PRRC2C: variants seen among roughly 807,000 people sequenced by gnomAD.
PRRC2C encodes protein PRRC2C.
A neutral mutation model predicts 317.2 loss-of-function variants in PRRC2C; 72 were observed. The ratio of observed to expected loss-of-function variants is 0.23; its 90% CI spans 0.19 to 0.28. PRRC2C has a LOEUF of 0.28. Ranked by LOEUF, PRRC2C falls within the 10% of genes least tolerant of loss-of-function variation. The pLI is 1.00. For synonymous variants in PRRC2C, 1,296 were observed against 1,205.9 expected (o/e 1.07, Z -1.55); for missense variants, 3,074 against 3,459.7 (o/e 0.89, Z 2.80).
At chr1:171,536,647 A>G (rs1304357599) in intron 14 of PRRC2C, among the ~76,000 whole-genome samples, 2 of 152,130 alleles carry the variant, frequency 1.3e-5, no homozygotes, top group Non-Finnish European at 2.9e-5. Flanking sequence ...TCATTTACCA[A>G]CCTAACACTT....
In PRRC2C at chr1:171,591,653, CAGAT is replaced by C. The variant is rs1651468206; in HGVS notation, c.8506_8509del (p.Ile2836GlufsTer19). ...CTTCTCTGAACAGCAACAGAGCAAA[CAGAT>C]AGGAGGAGGCAAAGCCCAGAAAGTG... On this transcript the variant is annotated frameshift_variant, in exon 35 of 35. Transcript: ENST00000647382. LOFTEE classifies it high-confidence loss of function. 6.2e-7 allele frequency: 1 copy of C among 1,613,862 alleles called. No homozygotes were observed. Among genetic ancestry groups the C allele is most frequent in the Non-Finnish European group, 8.5e-7 (1 of 1,179,864 alleles).
intron 34 of PRRC2C, among the ~76,000 whole-genome samples, chr1:171,590,779 A>T (rs1018983949): frequency 1.1e-4 from 16 of 152,332 alleles, no homozygotes; most frequent in Admixed American, 9.8e-4. Flanking sequence ...TTGGCCTTGG[A>T]TTCCAGTTCT....
At chr1:171,501,279 C>T (rs1458899956) in intron 1 of PRRC2C, among the ~76,000 whole-genome samples, 5 of 152,212 alleles carry the variant, frequency 3.3e-5, no homozygotes, top group South Asian at 2.1e-4. Context: ...TGCAGGTGCC[C>T]GCCACAATGC....
chr1:171,515,959 C>G, intron 5 of PRRC2C, 100 bp downstream of exon 5: 1 of 1,300,276 alleles, frequency 7.7e-7, no homozygotes, highest in Non-Finnish European at 1.0e-6. Flanking sequence ...TTGCCTACTT[C>G]GAAAAGGCAG....
At chr1:171,537,939 C>T (rs1004552457) in intron 15 of PRRC2C, among the ~76,000 whole-genome samples, 4 of 151,904 alleles carry the variant, frequency 2.6e-5, no homozygotes, top group African/African-American at 7.3e-5. Context: ...CTTGCTCTGT[C>T]TCCCAGGCTG....
chr1:171,503,352 C>G lies in PRRC2C; in HGVS notation c.-57-8680C>G, dbSNP rs1031984924. On this transcript the variant is annotated intron_variant, in intron 1 of 34. Transcript: ENST00000647382. ...TAGCCTAGCCAACATGACAAAACCC[C>G]ATCTTTACTAAAAGTACAAAAATTA... 9.9e-5 allele frequency among the ~76,000 whole-genome samples: 15 copies of G among 152,114 alleles called. No individual in the cohort carries two copies. In the East Asian group the frequency reaches 2.7e-3, roughly 28 times the overall value.
chr1:171,532,754 G>A lies in PRRC2C; in HGVS notation c.1666G>A (p.Glu556Lys). Residue 556 changes from glutamate (E) to lysine (K), a missense_variant, in exon 12 of 35, where the codon GAA becomes AAA. By Grantham distance (56) the Glu-to-Lys change is moderately conservative. Around this residue, in one of 11 missense-constraint regions of PRRC2C, gnomAD observed 1,320 missense variants for 1,395.7 expected, o/e 0.95. Coordinates refer to ENST00000647382, the MANE Select transcript of PRRC2C (RefSeq NM_001387844.1). ...ELEKEQEKQR[E>K]MEKERKQEKE... is the part of the protein sequence containing the mutation. ...GGAGAAGGAGCAGGAAAAACAAAGA[G>A]AAATGGAGAAAGAAAGAAAGCAAGA... 6.5e-7 allele frequency: 1 copy of A among 1,533,752 alleles called. No homozygotes were observed. Among genetic ancestry groups the A allele is most frequent in the South Asian group, 1.3e-5 (1 of 78,904 alleles).
At chr1:171,589,983 C>CTTTTTTT in intron 34 of PRRC2C, among the ~76,000 whole-genome samples, 1 of 121,074 alleles carries the variant, frequency 8.3e-6, no homozygotes, top group Non-Finnish European at 1.8e-5. Flanking sequence ...CATTTTCTTT[C>CTTTTTTT]TTTTTTTTTT....
chr1:171,528,374 T>C (rs1481770889), intron 11 of PRRC2C, among the ~76,000 whole-genome samples: 1 of 151,494 alleles, frequency 6.6e-6, no homozygotes, highest in Non-Finnish European at 1.5e-5. Context: ...CTGCAACCTC[T>C]GCCTCCTGGG....
intron 1 of PRRC2C, among the ~76,000 whole-genome samples, chr1:171,498,947 A>G (rs1022352001): frequency 1.3e-5 from 2 of 152,158 alleles, no homozygotes; most frequent in Admixed American, 6.5e-5. Context: ...GACGGGGACT[A>G]TAAACATACT....
chr1:171,508,370 C>T (rs1016726784), intron 1 of PRRC2C, among the ~76,000 whole-genome samples: 3 of 152,108 alleles, frequency 2.0e-5, no homozygotes, highest in East Asian at 1.9e-4. Context: ...AACTTTGTCA[C>T]GTGGTTTTCT....
In PRRC2C at chr1:171,513,033, G is replaced by A. The variant is rs1408902539; in HGVS notation, c.151G>A (p.Gly51Ser). 5.0e-6 allele frequency: 8 copies of A among 1,613,174 alleles called. No individual in the cohort carries two copies. Among genetic ancestry groups the A allele is most frequent in the Non-Finnish European group, 6.8e-6 (8 of 1,179,568 alleles). Reference sequence around the variant, plus strand: ...TGGATTACAGAGTCTTGGAAAAGTCGGTATTTCACGGCGTATGCCTCCACC... The same window carrying A: ...TGGATTACAGAGTCTTGGAAAAGTCAGTATTTCACGGCGTATGCCTCCACC... ...RHGLQSLGKV[G>S]ISRRMPPPAN... Residue 51 changes from glycine to serine, a missense_variant, in exon 3 of 35, where the codon GGT (glycine) becomes AGT (serine). Physicochemically the swap from Gly to Ser is moderately conservative, Grantham distance 56. Around this residue, in one of 11 missense-constraint regions of PRRC2C, gnomAD observed 71 missense variants for 118.9 expected, o/e 0.60. Coordinates refer to ENST00000647382, the MANE Select transcript of PRRC2C (RefSeq NM_001387844.1).
chr1:171,500,167 A>G (rs148707491), intron 1 of PRRC2C, among the ~76,000 whole-genome samples: 90 of 152,360 alleles, frequency 5.9e-4, no homozygotes, highest in African/African-American at 1.7e-3. Context: ...GTGGCCAGAA[A>G]GAAAGTTATG....
At position 171,532,422 on chromosome 1, in the gene PRRC2C, A is replaced by G; in HGVS notation, c.1334A>G (p.Glu445Gly). ...AAGCAGCAAGTAGCTGATGAAGATG[A>G]AATATGGAAGCAAAGACGAAGACAA... Reference protein sequence around the residue: ...PSKQQVADEDEIWKQRRRQQS... With the variant: ...PSKQQVADEDGIWKQRRRQQS... The change falls in exon 12 of 35, where the codon GAA (glutamate) becomes GGA (glycine). Residue 445 changes from glutamate (E) to glycine (G), a missense_variant. Glu to Gly is a moderately conservative substitution (Grantham distance 98). Coordinates refer to ENST00000647382, the MANE Select transcript of PRRC2C (RefSeq NM_001387844.1). 1 of 1,613,996 alleles carries G rather than the reference A, an allele frequency of 6.2e-7. No homozygotes were observed. Among genetic ancestry groups the G allele is most frequent in the South Asian group, 1.1e-5 (1 of 91,060 alleles).
chr1:171,567,458 A>C (rs1199892016), intron 22 of PRRC2C, among the ~76,000 whole-genome samples: 1 of 152,216 alleles, frequency 6.6e-6, no homozygotes, highest in Non-Finnish European at 1.5e-5. Flanking sequence ...AGTTACATGC[A>C]ATTTTTTATA....
chr1:171,524,721 C>T, intron 9 of PRRC2C, 100 bp from the exon 10 acceptor site: 2 of 1,246,336 alleles, frequency 1.6e-6, no homozygotes, highest in South Asian at 1.7e-5. Flanking sequence ...ATTTCCCCCC[C>T]CAGAAACCAT....
intron 11 of PRRC2C, among the ~76,000 whole-genome samples, chr1:171,530,494 C>T (rs1053233149): frequency 1.3e-5 from 2 of 152,002 alleles, no homozygotes; most frequent in African/African-American, 4.8e-5. Flanking sequence ...AGTCCTCCTG[C>T]CTTGGCCTCC....
chr1:171,584,241 C>A, intron 29 of PRRC2C, 54 bp downstream of exon 29: 1 of 1,455,276 alleles, frequency 6.9e-7, no homozygotes, highest in South Asian at 1.3e-5. Context: ...TGCCACAGAT[C>A]ATTTTAAGGA....
In PRRC2C at chr1:171,566,247, T is replaced by A. The variant is rs761513114; in HGVS notation, c.6132T>A (p.Gly2044=). The A allele has an allele frequency of 3.1e-6, 5 of 1,610,244 alleles. No individual in the cohort carries two copies. In the South Asian group the frequency reaches 5.6e-5, roughly 18 times the overall value. Residue 2044 remains glycine, a synonymous_variant, in exon 21 of 35, where the codon GGT becomes GGA. Coordinates refer to ENST00000647382, the MANE Select transcript of PRRC2C (RefSeq NM_001387844.1). Reference sequence around the variant, plus strand: ...TCTTTTACTAGGGAGCGAAGAATGGTCAAGAAAGTGGACTCGAAATTGGAA... The same window carrying A: ...TCTTTTACTAGGGAGCGAAGAATGGACAAGAAAGTGGACTCGAAATTGGAA... ...SAPSSEGAKN[G]QESGLEIGTD...
Sources: allele counts gnomAD v4.1 joint callset (sites outside exome capture counted in the v4.1 genomes callset), GRCh38; gene constraint gnomAD v4.1.1; regional missense constraint gnomAD v4.1.1; transcripts MANE v1.5; gene names NCBI Gene and HGNC (gene_info 2026-07-23, HGNC 2026-07-21).